The following TP53BP1 variants were observed in gnomAD, a reference collection of about 807,000 sequenced individuals.
TP53BP1 encodes the protein TP53-binding protein 1.
A neutral mutation model predicts 200.8 loss-of-function variants in TP53BP1; 61 were observed. The observed-to-expected ratio is 0.30, with a 90% CI of 0.25 to 0.38. The LOEUF (loss-of-function observed/expected upper bound fraction) is 0.38. TP53BP1 is among the 10% of genes least tolerant of loss of function. TP53BP1 has a pLI of 1.00. For missense variants in TP53BP1, 2,144 were observed against 2,371.9 expected (o/e 0.90, Z 2.00); for synonymous variants, 822 against 844.3 (o/e 0.97, Z 0.46).
intron 12 of TP53BP1, among the ~76,000 whole-genome samples, chr15:43,448,528 A>G (rs2046094062): frequency 6.6e-6 from 1 of 152,054 alleles, no homozygotes; most frequent in Non-Finnish European, 1.5e-5. Flanking sequence ...TTTAAAACAA[A>G]ACAAAACAAA....
Position 43,447,371 on chromosome 15 carries a change from G to C in TP53BP1, c.2831C>G (p.Pro944Arg). The C allele has an allele frequency of 6.3e-7, 1 of 1,598,946 alleles. No individual in the cohort carries two copies. Among genetic ancestry groups the C allele is most frequent in the Non-Finnish European group, 8.5e-7 (1 of 1,176,524 alleles). The change falls in exon 13 of 28, where the codon CCT becomes CGT. Residue 944 changes from proline to arginine, a missense_variant. Pro to Arg is a moderately radical substitution (Grantham distance 103). Transcript: ENST00000382044. ...ATTACTTTTTATTCACTCACCAATA[G>C]GAGTACTGTGTCTCTTGGGCTCCAA... ...LKLEPKRHST[P>R]IGISNYPEST...
At position 43,475,618 on chromosome 15, in the gene TP53BP1, C is replaced by G; in HGVS notation, c.1032G>C (p.Leu344=). ...TCTGACCAGAGAGCTGCAGGAGATGCAGAGTGGTGGCAGGAGTGGAAGCCA... is the reference window on the plus strand; with the variant it reads ...TCTGACCAGAGAGCTGCAGGAGATGGAGAGTGGTGGCAGGAGTGGAAGCCA... ...CSLASTPATT[L]HLLQLSGQRS... is the part of the protein sequence containing the mutation. The change falls in exon 9 of 28, where the codon CTG becomes CTC. Residue 344 remains leucine (L), a synonymous_variant. Coordinates refer to ENST00000382044, the MANE Select transcript of TP53BP1 (RefSeq NM_001141980.3). The G allele has an allele frequency of 1.9e-6, 3 of 1,614,108 alleles. No individual in the cohort carries two copies. The South Asian group carries it at 3.3e-5, about 18-fold the overall frequency.
At chr15:43,491,896 G>C in intron 3 of TP53BP1, 106 bp downstream of exon 3, 2 of 1,103,248 alleles carry the variant, frequency 1.8e-6, no homozygotes, top group Non-Finnish European at 2.8e-6. Context: ...ACCACAGTAG[G>C]CTTCCTTACA....
At chr15:43,453,193 CAAAAAAAAA>C (rs34555611) in intron 12 of TP53BP1, among the ~76,000 whole-genome samples, 1 of 41,428 alleles carries the variant, frequency 2.4e-5, no homozygotes, top group Non-Finnish European at 4.6e-5. Context: ...GACTCCGTCT[CAAAAAAAAA>C]AAAAAAAAAA....
At chr15:43,460,571 G>T (rs2046406165) in intron 11 of TP53BP1, among the ~76,000 whole-genome samples, 2 of 151,994 alleles carry the variant, frequency 1.3e-5, no homozygotes, top group African/African-American at 4.8e-5. Flanking sequence ...TTTTTCCTAT[G>T]ATTTTTAAGG....
intron 16 of TP53BP1, among the ~76,000 whole-genome samples, chr15:43,437,868 A>G (rs901425463): frequency 1.3e-5 from 2 of 152,224 alleles, no homozygotes; most frequent in African/African-American, 4.8e-5. Context: ...GGAAATTGAT[A>G]AAGAAAAAGA....
At chr15:43,480,070 T>C (rs2078941150) in intron 5 of TP53BP1, 53 bp from the exon 6 acceptor site, 3 of 1,542,148 alleles carry the variant, frequency 1.9e-6, no homozygotes, top group Non-Finnish European at 2.7e-6. Context: ...TTATGCAATG[T>C]ACAAGCTGCT....
rs1280752177 is a variant in TP53BP1, at chr15:43,413,274, G to A, written c.5150C>T (p.Pro1717Leu). The change falls in exon 24 of 28, where the codon CCC becomes CTC. Residue 1717 changes from proline (P) to leucine (L), a missense_variant. Physicochemically the swap from Pro to Leu is moderately conservative, Grantham distance 98 (BLOSUM62 -3). Coordinates refer to ENST00000382044, the MANE Select transcript of TP53BP1 (RefSeq NM_001141980.3). Reference protein sequence around the residue: ...PCESGDNTGEPSALEEQRGPL... With the variant: ...PCESGDNTGELSALEEQRGPL... ...CCCTCTCTGCTCTTCCAGGGCAGAGGGTTCACCGGTGTTGTCTCCACTCTC... is the reference window on the plus strand; with the variant it reads ...CCCTCTCTGCTCTTCCAGGGCAGAGAGTTCACCGGTGTTGTCTCCACTCTC... 2 of 1,614,142 alleles carry A rather than the reference G, an allele frequency of 1.2e-6. No individual in the cohort carries two copies. The highest frequency in any genetic ancestry group is 2.2e-5 in the South Asian group (2 of 91,076).
rs554104152 is a variant in TP53BP1, at chr15:43,477,404, T to C, written c.955+189A>G. Among the ~76,000 whole-genome samples the C allele has an allele frequency of 5.9e-5, 9 of 152,200 alleles. No individual in the cohort carries two copies. The South Asian group carries it at 1.9e-3, about 32-fold the overall frequency. On this transcript the variant is annotated intron_variant, in intron 8 of 27. Coordinates refer to ENST00000382044, the MANE Select transcript of TP53BP1 (RefSeq NM_001141980.3). ...CATTTCCAAAAGAGAGAAAATTATGTCAAAATATTAAATGGAAATTATTCC... is the reference window on the plus strand; with the variant it reads ...CATTTCCAAAAGAGAGAAAATTATGCCAAAATATTAAATGGAAATTATTCC...
intron 11 of TP53BP1, among the ~76,000 whole-genome samples, chr15:43,459,037 T>A (rs1051461830): frequency 6.6e-6 from 1 of 152,132 alleles, no homozygotes; most frequent in Non-Finnish European, 1.5e-5. Context: ...AGAATTATTA[T>A]TCGTAAGATG....
At chr15:43,493,995 AT>A (rs1321051813), upstream of TP53BP1, among the ~76,000 whole-genome samples, 2 of 152,130 alleles carry the variant, frequency 1.3e-5, no homozygotes, top group Non-Finnish European at 1.5e-5. Context: ...TATCCTAATT[AT>A]GGTGCCAGGG....
At chr15:43,479,101 A>G (rs1481030330) in intron 7 of TP53BP1, among the ~76,000 whole-genome samples, 1 of 152,132 alleles carries the variant, frequency 6.6e-6, no homozygotes, top group Non-Finnish European at 1.5e-5. Flanking sequence ...ATGCCTAAAG[A>G]TAAGATTAGT....
intron 23 of TP53BP1, 69 bp from the exon 24 acceptor site, chr15:43,413,403 A>G: frequency 7.6e-7 from 1 of 1,318,268 alleles, no homozygotes; most frequent in Non-Finnish European, 1.1e-6. Context: ...CTTAACACCA[A>G]AAGGCCCCAG....
At chr15:43,447,241 T>G (rs1378955193) in intron 13 of TP53BP1, 125 bp downstream of exon 13, 1 of 998,430 alleles carries the variant, frequency 1.0e-6, no homozygotes, top group Admixed American at 2.8e-5. Flanking sequence ...CATAACCCTA[T>G]TTTCCCTAAA....
At chr15:43,499,221 C>T (rs532468717) in intron 1 of TP53BP1, among the ~76,000 whole-genome samples, 30 of 152,032 alleles carry the variant, frequency 2.0e-4, no homozygotes, top group East Asian at 1.4e-3. Context: ...CATAAAGTAA[C>T]GTCTACGTAC....
intron 11 of TP53BP1, among the ~76,000 whole-genome samples, chr15:43,460,330 G>T (rs957022326): frequency 1.3e-5 from 2 of 151,990 alleles, no homozygotes; most frequent in African/African-American, 2.4e-5. Flanking sequence ...GCTTAATCAC[G>T]GCTCATTGCA....
At chr15:43,460,938 G>T (rs1168082249) in intron 11 of TP53BP1, among the ~76,000 whole-genome samples, 1 of 151,354 alleles carries the variant, frequency 6.6e-6, no homozygotes, top group East Asian at 1.9e-4. Flanking sequence ...GATGGTTAAG[G>T]CTGCAGTGAG....
intron 3 of TP53BP1, 65 bp from the exon 4 acceptor site, chr15:43,491,818 G>A: frequency 7.3e-7 from 1 of 1,364,184 alleles, no homozygotes. Context: ...ACAAAATCAG[G>A]AATACAGACA....
chr15:43,475,727 G>C (rs2078870791), intron 8 of TP53BP1, 33 bp from the exon 9 acceptor site: 2 of 1,612,352 alleles, frequency 1.2e-6, no homozygotes, highest in South Asian at 1.1e-5. Flanking sequence ...GCACTTCTCA[G>C]ATTGACACTA....
Sources: allele counts gnomAD v4.1 joint callset (sites outside exome capture counted in the v4.1 genomes callset), GRCh38; gene constraint gnomAD v4.1.1; transcripts MANE v1.5; gene names NCBI Gene and HGNC (gene_info 2026-07-23, HGNC 2026-07-21).